Variants in CCDC63 observed in about 807,000 individuals in gnomAD.
The protein encoded by CCDC63 is coiled-coil domain-containing protein 63.
Under a neutral mutation model 63.6 loss-of-function variants are expected in CCDC63, and 54 were observed. The ratio of observed to expected loss-of-function variants is 0.85; its 90% confidence interval spans 0.68 to 1.07. CCDC63 has a LOEUF of 1.07. CCDC63 is among the 50% of genes least tolerant of loss of function. The pLI, the probability that CCDC63 is intolerant of heterozygous loss-of-function variation, is 0.00. For synonymous variants in CCDC63, 253 were observed against 266.1 expected (o/e 0.95, Z 0.48); for missense variants, 637 against 689.6 (o/e 0.92, Z 0.86).
rs1163623886 is a variant in CCDC63 at position 110,906,002 on chromosome 12, ATTAT to A, written c.1546+1212_1546+1215del. ...TATATATTATATTATTATAATATAT[ATTAT>A]ATAATATAATATATATTATATATTA... On this transcript the variant is annotated intron_variant, in intron 11 of 11. Transcript: ENST00000308208. Among the ~76,000 whole-genome samples, 187 of 62,244 alleles carry A rather than the reference ATTAT, an allele frequency of 3.0e-3. 6 individuals carry two copies. The highest frequency in any genetic ancestry group is 0.012 in the African/African-American group (181 of 15,296). 40.8% of individuals were successfully genotyped at this position (62,244 alleles called of 152,430 possible).
chr12:110,867,380 G>T (rs1276297614), intron 4 of CCDC63, among the ~76,000 whole-genome samples: 3 of 126,808 alleles, frequency 2.4e-5, no homozygotes, highest in Non-Finnish European at 3.4e-5. Context: ...CCCGGACAGG[G>T]CGGCTGGCCG....
intron 4 of CCDC63, 142 bp downstream of exon 4, chr12:110,858,917 G>A: frequency 1.5e-6 from 1 of 665,362 alleles, no homozygotes; most frequent in South Asian, 2.0e-5. Context: ...TGTGACTGCT[G>A]CTATCGTCTC....
intron 4 of CCDC63, among the ~76,000 whole-genome samples, chr12:110,861,404 C>A (rs527258238): frequency 6.6e-6 from 1 of 152,228 alleles, no homozygotes; most frequent in African/African-American, 2.4e-5. Context: ...TCCTCCCCTG[C>A]CCCCACCTGC....
rs771730668 is a variant in CCDC63 at position 110,858,696 on chromosome 12, G to T, written c.290G>T (p.Arg97Leu). The change falls in exon 4 of 12, where the codon CGA becomes CTA. Residue 97 changes from arginine to leucine, a missense_variant. Physicochemically the swap from Arg to Leu is moderately radical, Grantham distance 102 (BLOSUM62 -2). Coordinates refer to ENST00000308208, the MANE Select transcript of CCDC63 (RefSeq NM_152591.3). ...AGTGAGAAGAACTACATGGAGCTGCGACTCCTGCTCCAAACTAAGGAGGAC... is the reference window on the plus strand; with the variant it reads ...AGTGAGAAGAACTACATGGAGCTGCTACTCCTGCTCCAAACTAAGGAGGAC... The part of the protein sequence containing the change: ...NRSEKNYMEL[R>L]LLLQTKEDYE... 1.2e-6 allele frequency: 2 copies of T among 1,613,984 alleles called. No homozygotes were observed. Among genetic ancestry groups the T allele is most frequent in the Non-Finnish European group, 1.7e-6 (2 of 1,179,916 alleles).
intron 9 of CCDC63, among the ~76,000 whole-genome samples, chr12:110,895,249 G>A (rs970848652): frequency 6.6e-6 from 1 of 152,210 alleles, no homozygotes; most frequent in Non-Finnish European, 1.5e-5. Flanking sequence ...GAGTAGCTGG[G>A]ATTACAGGCA....
At chr12:110,905,885 T>A (rs1167802283) in intron 11 of CCDC63, among the ~76,000 whole-genome samples, 1 of 96,056 alleles carries the variant, frequency 1.0e-5, no homozygotes, top group Non-Finnish European at 1.9e-5. Flanking sequence ...TGTGTGTATA[T>A]ATATAATATT....
rs1184220090 is a variant in CCDC63, at chr12:110,853,586, T to C, written c.179+12T>C. ...ATTGCGAGTCAGTAGTAAGTGATGGTTGGAGTTTCGCACTGAGTGACCTTG... is the reference window on the plus strand; with the variant it reads ...ATTGCGAGTCAGTAGTAAGTGATGGCTGGAGTTTCGCACTGAGTGACCTTG... On this transcript the variant is annotated intron_variant, in intron 3 of 11. Transcript: ENST00000308208. 2 of 1,614,030 alleles carry C rather than the reference T, an allele frequency of 1.2e-6. No homozygotes were observed. Among genetic ancestry groups the C allele is most frequent in the East Asian group, 2.2e-5 (1 of 44,868 alleles).
At chr12:110,861,743 T>G (rs2070856408) in intron 4 of CCDC63, among the ~76,000 whole-genome samples, 1 of 147,130 alleles carries the variant, frequency 6.8e-6, no homozygotes, top group Non-Finnish European at 1.5e-5. Flanking sequence ...TTTTTTTTTT[T>G]GTACTTTTAG....
chr12:110,866,776 C>A (rs2070955625), intron 4 of CCDC63, among the ~76,000 whole-genome samples: 1 of 147,968 alleles, frequency 6.8e-6, no homozygotes, highest in African/African-American at 2.5e-5. Flanking sequence ...CCTTTCCCGC[C>A]TTTCTATTCC....
At chr12:110,906,298 A>G (rs1488656329) in intron 11 of CCDC63, among the ~76,000 whole-genome samples, 3 of 134,216 alleles carry the variant, frequency 2.2e-5, no homozygotes, top group Non-Finnish European at 4.7e-5. Flanking sequence ...GGAGAGAGGG[A>G]GGAAGGCTCA....
chr12:110,897,952 A>G (rs146280669), intron 9 of CCDC63, among the ~76,000 whole-genome samples: 9,632 of 152,064 alleles, frequency 0.063, 429 homozygotes, highest in East Asian at 0.21. Context: ...GATGGTGTTG[A>G]ACTTCTGGCC....
At position 110,853,563 on chromosome 12, in the gene CCDC63, T is replaced by G; in HGVS notation, c.168T>G (p.Ile56Met). Reference sequence around the variant, plus strand: ...TTAAGTTCCGAAACCAGCAGAAGATTGCGAGTCAGTAGTAAGTGATGGTTG... The same window carrying G: ...TTAAGTTCCGAAACCAGCAGAAGATGGCGAGTCAGTAGTAAGTGATGGTTG... ...KSFKFRNQQK[I>M]ASQYKEIKTL... is the part of the protein sequence containing the mutation. The change falls in exon 3 of 12, where the codon ATT becomes ATG. Residue 56 changes from isoleucine (I) to methionine (M), a missense_variant. Ile to Met is a conservative substitution (Grantham distance 10). Coordinates refer to ENST00000308208, the MANE Select transcript of CCDC63 (RefSeq NM_152591.3). 3.7e-6 allele frequency: 6 copies of G among 1,614,192 alleles called. No homozygotes were observed. Among genetic ancestry groups the G allele is most frequent in the Non-Finnish European group, 5.1e-6 (6 of 1,180,036 alleles).
Position 110,867,485 on chromosome 12 carries a change from C to T in CCDC63, c.370-6357C>T, listed in dbSNP as rs1250134861. ...CCCAGTAGGGGCGGCCGGGCAGAGG[C>T]GCCCCTCACCTCCGGGATGGGGCGG... On this transcript the variant is annotated intron_variant, in intron 4 of 11. Coordinates refer to ENST00000308208, the MANE Select transcript of CCDC63 (RefSeq NM_152591.3). Among the ~76,000 whole-genome samples the T allele has an allele frequency of 3.6e-4, 38 of 104,240 alleles. No individual in the cohort carries two copies. The East Asian group carries it at 8.5e-3, about 23-fold the overall frequency. The allele number at this position is 104,240 out of a possible 152,430, so 68.4% of individuals were successfully genotyped here. A position where few individuals can be genotyped will look rare whatever the true frequency, so the allele number is the denominator to read the frequency against.
At chr12:110,885,559 TCTG>T (rs2136707890) in intron 8 of CCDC63, among the ~76,000 whole-genome samples, 1 of 152,332 alleles carries the variant, frequency 6.6e-6, no homozygotes, top group Non-Finnish European at 1.5e-5. Flanking sequence ...CAAGACACCC[TCTG>T]CTGCTGCCAG....
intron 8 of CCDC63, among the ~76,000 whole-genome samples, chr12:110,890,520 A>T (rs564823431): frequency 3.8e-4 from 58 of 152,230 alleles, no homozygotes; most frequent in Non-Finnish European, 6.9e-4. Context: ...ATTCAGAAAA[A>T]CATAAAGAAA....
At position 110,869,984 on chromosome 12, in the gene CCDC63, C is replaced by T. The variant is rs544277749; in HGVS notation, c.370-3858C>T. Among the ~76,000 whole-genome samples, 563 of 152,292 alleles carry T rather than the reference C, an allele frequency of 3.7e-3. 1 individual carries two copies. The highest frequency in any genetic ancestry group is 0.012 in the South Asian group (60 of 4,824). On this transcript the variant is annotated intron_variant, in intron 4 of 11. Transcript: ENST00000308208. Reference sequence around the variant, plus strand: ...ATATAGTTCTCACATATCCTTCACCCGGTTCCCCCAATGTAAACATTGTAC... The same window carrying T: ...ATATAGTTCTCACATATCCTTCACCTGGTTCCCCCAATGTAAACATTGTAC...
chr12:110,861,365 C>A (rs2072219903), intron 4 of CCDC63, among the ~76,000 whole-genome samples: 1 of 152,200 alleles, frequency 6.6e-6, no homozygotes, highest in African/African-American at 2.4e-5. Context: ...CCCAGTGGGG[C>A]TGCATCAGCT....
chr12:110,856,430 C>T (rs976771437), intron 3 of CCDC63, among the ~76,000 whole-genome samples: 13 of 152,050 alleles, frequency 8.5e-5, no homozygotes, highest in Non-Finnish European at 1.6e-4. Flanking sequence ...TTCTCTCCAC[C>T]TTAACAAAGA....
At position 110,889,328 on chromosome 12, in the gene CCDC63, T is replaced by C. The variant is rs1592778765; in HGVS notation, c.1075-3748T>C. 6.6e-6 allele frequency among the ~76,000 whole-genome samples: 1 copy of C among 152,210 alleles called. No homozygotes were observed. The highest frequency in any genetic ancestry group is 1.9e-4 in the East Asian group (1 of 5,188). On this transcript the variant is annotated intron_variant, in intron 8 of 11. Coordinates refer to ENST00000308208, the MANE Select transcript of CCDC63 (RefSeq NM_152591.3). This position sits in a 1 kb window ranked among gnomAD's most constrained non-coding sequence, Gnocchi z 4.1. ...AACAGACAATAAACAACAAGCCCAA[T>C]ACTTACGTAAGTTATAGAGTAAGTT...
Sources: allele counts gnomAD v4.1 joint callset (sites outside exome capture counted in the v4.1 genomes callset), GRCh38; gene constraint gnomAD v4.1.1; non-coding constraint Gnocchi (gnomAD v3.1); transcripts MANE v1.5; gene names NCBI Gene and HGNC (gene_info 2026-07-23, HGNC 2026-07-21).